The following NCOR1 variants were observed in gnomAD, a reference collection of about 807,000 sequenced individuals.
NCOR1 encodes nuclear receptor corepressor 1.
In NCOR1, 63 loss-of-function variants were observed where a neutral mutation model predicts 288.1. The observed-to-expected ratio is 0.22, with a 90% CI of 0.18 to 0.27. The LOEUF (loss-of-function observed/expected upper bound fraction) is 0.27, where lower values mean the gene tolerates loss of function less well. NCOR1 is among the 10% of genes least tolerant of loss of function. NCOR1 has a pLI of 1.00. For missense variants in NCOR1, 2,397 were observed against 3,019.2 expected (o/e 0.79, Z 4.83); for synonymous variants, 1,007 against 1,065.9 (o/e 0.94, Z 1.08).
At chr17:16,207,373 G>C (rs1489307302) in intron 1 of NCOR1, among the ~76,000 whole-genome samples, 1 of 152,174 alleles carries the variant, frequency 6.6e-6, no homozygotes, top group Non-Finnish European at 1.5e-5. Context: ...GTTCAACAAA[G>C]TATGGGGTAA....
At chr17:16,053,538 A>G (rs757213908) in intron 40 of NCOR1, among the ~76,000 whole-genome samples, 4 of 152,210 alleles carry the variant, frequency 2.6e-5, no homozygotes, top group Non-Finnish European at 5.9e-5. Flanking sequence ...AAAGAGATAA[A>G]AGATGAAAAG....
intron 8 of NCOR1, among the ~76,000 whole-genome samples, chr17:16,151,257 A>T (rs1192664815): frequency 1.3e-5 from 2 of 152,074 alleles, no homozygotes; most frequent in African/African-American, 4.8e-5. Context: ...CAATCAGATC[A>T]AGAAATTAGA....
At chr17:16,034,134 C>G (rs1973380412) in intron 45 of NCOR1, among the ~76,000 whole-genome samples, 1 of 152,180 alleles carries the variant, frequency 6.6e-6, no homozygotes, top group Admixed American at 6.5e-5. Flanking sequence ...GTACAGTTCT[C>G]AAAAGAACTA....
chr17:16,120,967 T>A (rs902968298), intron 16 of NCOR1, 85 bp downstream of exon 16: 7 of 1,242,192 alleles, frequency 5.6e-6, no homozygotes, highest in Admixed American at 2.4e-5. Context: ...TTGTCAATAT[T>A]AAAAGTCCTT....
At chr17:16,136,810 A>AT (rs1310067981) in intron 14 of NCOR1, among the ~76,000 whole-genome samples, 7 of 128,864 alleles carry the variant, frequency 5.4e-5, no homozygotes, top group Non-Finnish European at 9.7e-5. Context: ...CTGTTTCAAA[A>AT]AAAAAAAAAA....
At chr17:16,160,303 G>A (rs910442412) in intron 5 of NCOR1, among the ~76,000 whole-genome samples, 6 of 152,034 alleles carry the variant, frequency 3.9e-5, no homozygotes, top group Non-Finnish European at 7.4e-5. Context: ...AGCAAGCAGG[G>A]ACTTGTCTGC....
intron 15 of NCOR1, among the ~76,000 whole-genome samples, chr17:16,125,576 C>T (rs979575268): frequency 2.0e-5 from 3 of 151,456 alleles, no homozygotes; most frequent in Non-Finnish European, 4.4e-5. Flanking sequence ...GTGGCAGATG[C>T]CTGTAGGCCC....
chr17:16,193,911 A>G (rs1235388744), intron 2 of NCOR1, among the ~76,000 whole-genome samples: 1 of 151,776 alleles, frequency 6.6e-6, no homozygotes, highest in Non-Finnish European at 1.5e-5. Flanking sequence ...TTTTCTTTAA[A>G]CCTCTTACAC....
At chr17:16,181,047 T>G (rs1272552470) in intron 3 of NCOR1, among the ~76,000 whole-genome samples, 1 of 152,030 alleles carries the variant, frequency 6.6e-6, no homozygotes. Context: ...TAGTCCCAGC[T>G]ACTCCAGAGG....
chr17:16,061,837 G>A lies in NCOR1; in HGVS notation c.5445C>T (p.Asn1815=). The change falls in exon 37 of 46, where the codon AAC becomes AAT. Residue 1815 remains asparagine (N), a synonymous_variant. Transcript: ENST00000268712. The part of the protein sequence containing the change: ...ISQGLPASRY[N]TAADALAALV... ...GAGCAGCCAGGGCATCCGCAGCAGT[G>A]TTGTAACGGGAGGCTGGCAGGCCTT... 1 of 1,614,122 alleles carries A rather than the reference G, an allele frequency of 6.2e-7. No individual in the cohort carries two copies. Among genetic ancestry groups the A allele is most frequent in the Non-Finnish European group, 8.5e-7 (1 of 1,179,982 alleles).
At chr17:16,073,818 T>C (rs9898313) in intron 27 of NCOR1, among the ~76,000 whole-genome samples, 70,328 of 152,030 alleles carry the variant, frequency 0.46, 17,161 homozygotes, top group Middle Eastern at 0.6. Context: ...CCTTTCTGCA[T>C]GAAACTTACA....
intron 32 of NCOR1, among the ~76,000 whole-genome samples, chr17:16,067,059 C>T (rs537954416): frequency 2.4e-4 from 36 of 152,284 alleles, no homozygotes; most frequent in Non-Finnish European, 4.3e-4. Flanking sequence ...AAGGTGCAGC[C>T]GGTGGTCCTG....
intron 1 of NCOR1, among the ~76,000 whole-genome samples, chr17:16,213,427 G>A (rs1316078032): frequency 7.1e-6 from 1 of 139,882 alleles, no homozygotes; most frequent in East Asian, 2.0e-4. Context: ...CGGAGGCGGA[G>A]GTTGCAATGA....
chr17:16,046,946 C>A lies in NCOR1; in HGVS notation c.6679+5G>T. On this transcript the variant is annotated splice_donor_5th_base_variant and intron_variant, in intron 42 of 45. Transcript: ENST00000268712. ...TTTGGGGTTCATGAAAGAAATCCCA[C>A]TTACCCATATCAGAGTCACCTCCAC... is the stretch of plus-strand genomic sequence containing the variant. 6.2e-7 allele frequency: 1 copy of A among 1,613,316 alleles called. No individual in the cohort carries two copies. The highest frequency in any genetic ancestry group is 8.5e-7 in the Non-Finnish European group (1 of 1,179,668).
intron 3 of NCOR1, among the ~76,000 whole-genome samples, chr17:16,185,343 G>A (rs1160028451): frequency 2.0e-5 from 3 of 151,850 alleles, no homozygotes; most frequent in Admixed American, 6.6e-5. Context: ...TTATCTATAC[G>A]TATCCCATAA....
Position 16,215,368 on chromosome 17 carries a change from C to T in NCOR1, c.-77G>A, listed in dbSNP as rs192906143. 2.3e-3 allele frequency: 898 copies of T among 394,470 alleles called. 3 individuals are homozygous for T. Among genetic ancestry groups the T allele is most frequent in the Middle Eastern group, 5.1e-3 (8 of 1,570 alleles). 24.4% of individuals were successfully genotyped at this position (394,470 alleles called of 1,614,324 possible). A position where few individuals can be genotyped will look rare whatever the true frequency, so the allele number is the denominator to read the frequency against. ...GGCGCCAGGGCCTACTCACCGGGAG[C>T]TGGCTAAGCGTGGGAGCCGACGTGC... On this transcript the variant is annotated 5_prime_UTR_variant, in exon 1 of 46. Coordinates refer to ENST00000268712, the MANE Select transcript of NCOR1 (RefSeq NM_006311.4).
chr17:16,137,276 C>T, intron 14 of NCOR1, 35 bp downstream of exon 14: 1 of 1,417,238 alleles, frequency 7.1e-7, no homozygotes, highest in Non-Finnish European at 9.9e-7. Flanking sequence ...TTCCCCCAAT[C>T]CTGAAATATC....
rs558650831 is a variant in NCOR1 at position 16,037,959 on chromosome 17, T to C, written c.6955+1474A>G. Among the ~76,000 whole-genome samples the C allele has an allele frequency of 2.9e-3, 434 of 152,272 alleles. 4 individuals are homozygous for C. The highest frequency in any genetic ancestry group is 9.6e-3 in the African/African-American group (401 of 41,560). On this transcript the variant is annotated intron_variant, in intron 44 of 45. Coordinates refer to ENST00000268712, the MANE Select transcript of NCOR1 (RefSeq NM_006311.4). ...CCAAATTCCTATACAACCAGTACAA[T>C]TGTAATTGACTAAGTCACCAGTCTT...
intron 21 of NCOR1, among the ~76,000 whole-genome samples, chr17:16,095,836 C>A (rs1270723456): frequency 6.6e-6 from 1 of 151,918 alleles, no homozygotes; most frequent in African/African-American, 2.4e-5. Flanking sequence ...TACCCAACAG[C>A]TCATTGAGAA....
Sources: gnomAD v4.1 joint callset for allele counts (sites outside exome capture counted in the v4.1 genomes callset) on GRCh38, gnomAD v4.1.1 for gene constraint, MANE v1.5 for transcripts, NCBI Gene and HGNC (gene_info 2026-07-23, HGNC 2026-07-21) for gene names.